Variants in CDK14 observed in about 807,000 individuals in gnomAD.
CDK14 encodes the protein cyclin dependent kinase 14.
Under a neutral mutation model 60.7 loss-of-function variants are expected in CDK14, and 34 were observed. The ratio of observed to expected loss-of-function variants is 0.56; its 90% CI spans 0.43 to 0.75. CDK14 has a LOEUF of 0.75. Among genes scored for constraint, CDK14 ranks in the 30% least tolerant of loss-of-function variants. The probability of loss-of-function intolerance (pLI) is 0.00; values close to 1 mark genes in which losing one functional copy is unlikely to be tolerated. For synonymous variants in CDK14, 197 were observed against 203.7 expected (o/e 0.97, Z 0.28); for missense variants, 482 against 564.1 (o/e 0.85, Z 1.47).
intron 2 of CDK14, among the ~76,000 whole-genome samples, chr7:90,629,487 G>A (rs914508439): frequency 6.6e-6 from 1 of 152,088 alleles, no homozygotes; most frequent in African/African-American, 2.4e-5. Flanking sequence ...TTATTCAGTG[G>A]GTCTCAGTAG....
At chr7:90,632,946 G>T (rs957349168) in intron 2 of CDK14, among the ~76,000 whole-genome samples, 6 of 152,038 alleles carry the variant, frequency 3.9e-5, no homozygotes, top group African/African-American at 1.4e-4. Flanking sequence ...GAAATTAGCT[G>T]GGTGTGGTGG....
chr7:91,130,779 T>G (rs927760960), intron 14 of CDK14, among the ~76,000 whole-genome samples: 2 of 152,154 alleles, frequency 1.3e-5, no homozygotes, highest in Non-Finnish European at 2.9e-5. Flanking sequence ...ATATTAATCT[T>G]AGGGGCTGTG....
chr7:91,105,997 A>T lies in CDK14; in HGVS notation c.1155-6545A>T, dbSNP rs568968549. Among the ~76,000 whole-genome samples the T allele has an allele frequency of 1.1e-4, 17 of 152,334 alleles. No individual in the cohort carries two copies. In the South Asian group the frequency reaches 3.5e-3, roughly 32 times the overall value. On this transcript the variant is annotated intron_variant, in intron 12 of 14. Coordinates refer to ENST00000380050, the MANE Select transcript of CDK14 (RefSeq NM_001287135.2). ...CAGAATGGAAAACAGGGACAAACAGATGGAAAACATGAAAGAGTAAAGACA... is the reference window on the plus strand; with the variant it reads ...CAGAATGGAAAACAGGGACAAACAGTTGGAAAACATGAAAGAGTAAAGACA...
chr7:90,892,290 G>A (rs1792159170), intron 6 of CDK14, among the ~76,000 whole-genome samples: 1 of 152,104 alleles, frequency 6.6e-6, no homozygotes, highest in African/African-American at 2.4e-5. Context: ...TCTTTTAAAA[G>A]GGGCAGTTCT....
chr7:90,904,424 A>G (rs1792625553), intron 7 of CDK14, among the ~76,000 whole-genome samples: 1 of 152,150 alleles, frequency 6.6e-6, no homozygotes, highest in Non-Finnish European at 1.5e-5. Context: ...CATCCATAAA[A>G]CAAAAATGTG....
chr7:91,146,039 C>A (rs1191527601), intron 14 of CDK14, among the ~76,000 whole-genome samples: 1 of 152,010 alleles, frequency 6.6e-6, no homozygotes, highest in Non-Finnish European at 1.5e-5. Context: ...CAATGGGAAG[C>A]TGTGCAGTTA....
intron 10 of CDK14, among the ~76,000 whole-genome samples, chr7:91,041,732 A>G (rs891143031): frequency 2.0e-5 from 3 of 152,210 alleles, no homozygotes; most frequent in African/African-American, 7.2e-5. Context: ...TGTGACTTGC[A>G]ATTTGTGAAA....
At chr7:90,781,752 C>G (rs1394909254) in intron 4 of CDK14, among the ~76,000 whole-genome samples, 4 of 151,368 alleles carry the variant, frequency 2.6e-5, no homozygotes, top group Non-Finnish European at 4.4e-5. Context: ...TTTCTGAGGG[C>G]TCTGTTCTGT....
chr7:90,881,749 C>T (rs1450013060), intron 6 of CDK14, among the ~76,000 whole-genome samples: 1 of 152,168 alleles, frequency 6.6e-6, no homozygotes, highest in Non-Finnish European at 1.5e-5. Context: ...TCAGCAGAAA[C>T]TCTACCAGCC....
At chr7:90,654,950 C>A (rs1202923969) in intron 2 of CDK14, among the ~76,000 whole-genome samples, 1 of 152,078 alleles carries the variant, frequency 6.6e-6, no homozygotes, top group African/African-American at 2.4e-5. Flanking sequence ...AGTTTCAGTA[C>A]CCTAAAAAAT....
rs1802986969 is a variant in CDK14 at position 91,209,165 on chromosome 7, TAATAAGGTTTTTA to T, written c.*2031_*2043del. 1 of 152,368 alleles carries T rather than the reference TAATAAGGTTTTTA, an allele frequency of 6.6e-6. No homozygotes were observed. The highest frequency in any genetic ancestry group is 2.1e-4 in the South Asian group (1 of 4,838). 9.4% of individuals were successfully genotyped at this position (152,368 alleles called of 1,614,324 possible). ...CAACTGATGATTAAATGTTGCTTTT[TAATAAGGTTTTTA>T]ACTTGAAAATTTGAAAATATTTAAT... On this transcript the variant is annotated 3_prime_UTR_variant, in exon 15 of 15. Coordinates refer to ENST00000380050, the MANE Select transcript of CDK14 (RefSeq NM_001287135.2).
intron 14 of CDK14, among the ~76,000 whole-genome samples, chr7:91,169,100 A>G (rs776217760): frequency 1.3e-5 from 2 of 152,236 alleles, no homozygotes; most frequent in Non-Finnish European, 2.9e-5. Flanking sequence ...AGAAGAATTC[A>G]GTGTTCAGCT....
chr7:91,040,641 A>G (rs1392518649), intron 10 of CDK14, among the ~76,000 whole-genome samples: 1 of 152,198 alleles, frequency 6.6e-6, no homozygotes, highest in African/African-American at 2.4e-5. Context: ...TGCTTCCCAT[A>G]TCATTTCATT....
chr7:90,745,468 G>A (rs1803553652), intron 3 of CDK14, among the ~76,000 whole-genome samples: 1 of 152,168 alleles, frequency 6.6e-6, no homozygotes, highest in South Asian at 2.1e-4. Flanking sequence ...TTCTGGGAGA[G>A]TTCTGTTCAG....
chr7:90,812,508 C>T (rs530909927), intron 5 of CDK14, among the ~76,000 whole-genome samples: 41 of 152,216 alleles, frequency 2.7e-4, no homozygotes, highest in African/African-American at 7.5e-4. Flanking sequence ...AGGAGATATA[C>T]CTAATGTTAA....
intron 5 of CDK14, among the ~76,000 whole-genome samples, chr7:90,857,175 G>C (rs1158972658): frequency 6.6e-6 from 1 of 151,348 alleles, no homozygotes; most frequent in Non-Finnish European, 1.5e-5. Flanking sequence ...CTGATTTTCT[G>C]TATTATCTCA....
intron 5 of CDK14, among the ~76,000 whole-genome samples, chr7:90,809,262 A>G (rs1297731981): frequency 6.6e-6 from 1 of 152,228 alleles, no homozygotes; most frequent in Non-Finnish European, 1.5e-5. Context: ...AGAAGTTATA[A>G]CAAACTGTCT....
chr7:91,089,581 A>C (rs992302791), intron 12 of CDK14, among the ~76,000 whole-genome samples: 24 of 149,630 alleles, frequency 1.6e-4, no homozygotes, highest in Non-Finnish European at 8.8e-5. Context: ...AAAAAAAAAA[A>C]AAAACAGGCA....
intron 1 of CDK14, among the ~76,000 whole-genome samples, chr7:90,600,689 T>G (rs1335458906): frequency 6.6e-6 from 1 of 152,232 alleles, no homozygotes; most frequent in Non-Finnish European, 1.5e-5. Flanking sequence ...AGACACAAAA[T>G]TTAACTGTTG....
Sources: gnomAD v4.1 joint callset for allele counts (sites outside exome capture counted in the v4.1 genomes callset) on GRCh38, gnomAD v4.1.1 for gene constraint, MANE v1.5 for transcripts, NCBI Gene and HGNC (gene_info 2026-07-23, HGNC 2026-07-21) for gene names.